The following CNTN4 variants were observed in gnomAD, a reference collection of about 807,000 sequenced individuals.
CNTN4 encodes contactin 4.
CNTN4 carries 77 observed loss-of-function variants against 122.5 expected under a neutral mutation model. The ratio of observed to expected loss-of-function variants is 0.63; its 90% CI spans 0.52 to 0.76. The LOEUF (loss-of-function observed/expected upper bound fraction) is 0.76, where lower values mean the gene tolerates loss of function less well. CNTN4 is among the 30% of genes least tolerant of loss of function. The pLI is 0.00. For synonymous variants in CNTN4, 512 were observed against 447.0 expected, an observed-to-expected ratio of 1.15 and a Z score of -1.83; for missense variants, 1,256 against 1,259.1, an observed-to-expected ratio of 1.00 and a Z score of 0.04.
intron 2 of CNTN4, among the ~76,000 whole-genome samples, chr3:2,195,040 C>A (rs1359668609): frequency 1.3e-5 from 2 of 152,028 alleles, no homozygotes; most frequent in Admixed American, 1.3e-4. Context: ...CTATCTGAGA[C>A]TTTATATCCT....
chr3:2,812,171 G>A (rs2092628987), intron 6 of CNTN4, among the ~76,000 whole-genome samples: 1 of 152,036 alleles, frequency 6.6e-6, no homozygotes, highest in Non-Finnish European at 1.5e-5. Flanking sequence ...ATAGCTAATG[G>A]GTACTAGGCT....
chr3:2,899,380 C>A (rs2094148455), intron 10 of CNTN4, among the ~76,000 whole-genome samples: 1 of 152,186 alleles, frequency 6.6e-6, no homozygotes, highest in Non-Finnish European at 1.5e-5. Context: ...TAATTAAATA[C>A]TGATATCAAC....
chr3:2,871,240 T>G (rs750614313), intron 8 of CNTN4, among the ~76,000 whole-genome samples: 1 of 152,252 alleles, frequency 6.6e-6, no homozygotes, highest in Non-Finnish European at 1.5e-5. Context: ...CAGATAGTTA[T>G]TTTATGTGTC....
chr3:2,239,388 A>G (rs955815354), intron 2 of CNTN4, among the ~76,000 whole-genome samples: 2 of 152,192 alleles, frequency 1.3e-5, no homozygotes, highest in Admixed American at 6.5e-5. Context: ...ACACAGATAC[A>G]TGCACAGACA....
At chr3:2,422,013 C>A (rs1026547983) in intron 3 of CNTN4, among the ~76,000 whole-genome samples, 1 of 151,980 alleles carries the variant, frequency 6.6e-6, no homozygotes. Flanking sequence ...ACTATTTAAT[C>A]CTGCCTCTGT....
chr3:2,125,158 C>G (rs1412281844), intron 2 of CNTN4, among the ~76,000 whole-genome samples: 1 of 152,108 alleles, frequency 6.6e-6, no homozygotes, highest in Non-Finnish European at 1.5e-5. Context: ...CCATTCTACT[C>G]TTTGTTTCTA....
intron 3 of CNTN4, among the ~76,000 whole-genome samples, chr3:2,492,728 G>T (rs945178524): frequency 6.6e-6 from 1 of 152,076 alleles, no homozygotes. Context: ...CTGTTTAAGA[G>T]ACTGCAATAA....
At chr3:2,612,797 A>T (rs576693189) in intron 4 of CNTN4, among the ~76,000 whole-genome samples, 15 of 152,186 alleles carry the variant, frequency 9.9e-5, no homozygotes, top group Non-Finnish European at 1.5e-4. Flanking sequence ...AATTTTGTCA[A>T]ATCCAACTAT....
rs759684545 is a variant in CNTN4 at position 3,031,004 on chromosome 3, T to C, written c.1783+29T>C. 3.7e-6 allele frequency: 6 copies of C among 1,613,182 alleles called. No homozygotes were observed. In the Admixed American group the frequency reaches 8.3e-5, roughly 22 times the overall value. ...CTGGATTTTGTTGTTATTGTTGTTC[T>C]TGAAATATTTTCATGATATCTACTG... On this transcript the variant is annotated intron_variant, in intron 16 of 24. Transcript: ENST00000418658.
chr3:2,384,314 C>T (rs1017013344), intron 3 of CNTN4, among the ~76,000 whole-genome samples: 6 of 152,116 alleles, frequency 3.9e-5, no homozygotes, highest in African/African-American at 1.4e-4. Flanking sequence ...GCTATGAATC[C>T]TGGCTTAAGT....
At chr3:2,327,559 A>G (rs373803114) in intron 2 of CNTN4, among the ~76,000 whole-genome samples, 2 of 152,308 alleles carry the variant, frequency 1.3e-5, no homozygotes, top group African/African-American at 4.8e-5. Flanking sequence ...TATGTTTTAC[A>G]TGTATTTCCT....
intron 2 of CNTN4, among the ~76,000 whole-genome samples, chr3:2,149,780 T>C (rs1232801421): frequency 6.6e-6 from 1 of 152,118 alleles, no homozygotes; most frequent in Non-Finnish European, 1.5e-5. Context: ...AACCAGGTTG[T>C]ATAGTTGTAG....
chr3:2,137,502 G>T (rs2034752741), intron 2 of CNTN4, among the ~76,000 whole-genome samples: 1 of 151,794 alleles, frequency 6.6e-6, no homozygotes, highest in Non-Finnish European at 1.5e-5. Context: ...GGGGGTGGGG[G>T]GATTAGAAAG....
rs1319031647 is a variant in CNTN4, at chr3:2,281,597, T to C, written c.-144-57581T>C. On this transcript the variant is annotated intron_variant, in intron 2 of 24. Transcript: ENST00000418658. Reference sequence around the variant, plus strand: ...TCCCTGTCATGCCTGGCAATGTCATTATATACCAACTGATACGTTTTTACT... The same window carrying C: ...TCCCTGTCATGCCTGGCAATGTCATCATATACCAACTGATACGTTTTTACT... 2.6e-5 allele frequency among the ~76,000 whole-genome samples: 4 copies of C among 152,114 alleles called. No individual in the cohort carries two copies. The East Asian group carries it at 7.7e-4, about 29-fold the overall frequency.
intron 6 of CNTN4, among the ~76,000 whole-genome samples, chr3:2,779,386 G>C (rs1005096383): frequency 6.6e-6 from 1 of 152,002 alleles, no homozygotes; most frequent in African/African-American, 2.4e-5. Context: ...TTTTGTAGAG[G>C]CTGGGTTTCA....
At chr3:2,737,169 C>T (rs1196024179) in intron 5 of CNTN4, among the ~76,000 whole-genome samples, 1 of 152,074 alleles carries the variant, frequency 6.6e-6, no homozygotes, top group Non-Finnish European at 1.5e-5. Flanking sequence ...CAACCTCCCC[C>T]TCCCGGGTTA....
intron 7 of CNTN4, among the ~76,000 whole-genome samples, chr3:2,843,854 G>C (rs1488132996): frequency 2.0e-5 from 3 of 152,128 alleles, no homozygotes; most frequent in African/African-American, 7.2e-5. Flanking sequence ...AGCAATACAG[G>C]AAAGGCCTAA....
intron 3 of CNTN4, among the ~76,000 whole-genome samples, chr3:2,535,731 T>G (rs1427120070): frequency 6.6e-6 from 1 of 152,198 alleles, no homozygotes; most frequent in Non-Finnish European, 1.5e-5. Context: ...TATTTTGATG[T>G]TATTTCTACT....
At chr3:2,652,021 G>GT (rs1367061497) in intron 4 of CNTN4, among the ~76,000 whole-genome samples, 2,738 of 143,740 alleles carry the variant, frequency 0.019, 22 homozygotes, top group South Asian at 0.028. Context: ...AAAAGGTGTT[G>GT]TTTTTTTTTT....
Sources: gnomAD v4.1 joint callset for allele counts (sites outside exome capture counted in the v4.1 genomes callset) on GRCh38, gnomAD v4.1.1 for gene constraint, MANE v1.5 for transcripts, NCBI Gene and HGNC (gene_info 2026-07-23, HGNC 2026-07-21) for gene names.